The following DPP6 variants were observed in gnomAD, a reference collection of about 807,000 sequenced individuals.
DPP6 encodes the protein A-type potassium channel modulatory protein DPP6.
Under a neutral mutation model 122.6 loss-of-function variants are expected in DPP6, and 69 were observed. The observed-to-expected ratio is 0.56, with a 90% confidence interval of 0.46 to 0.69. The LOEUF is 0.69. Among genes scored for constraint, DPP6 ranks in the 30% least tolerant of loss-of-function variants. The probability of loss-of-function intolerance (pLI) is 0.00; values close to 1 mark genes in which losing one functional copy is unlikely to be tolerated. For synonymous variants in DPP6, 418 were observed against 433.1 expected, an observed-to-expected ratio of 0.97 and a Z score of 0.43; for missense variants, 928 against 1,116.9, an observed-to-expected ratio of 0.83 and a Z score of 2.41.
intron 1 of DPP6, among the ~76,000 whole-genome samples, chr7:154,328,251 C>T (rs1808616180): frequency 6.6e-6 from 1 of 152,154 alleles, no homozygotes; most frequent in African/African-American, 2.4e-5. Flanking sequence ...TGGGCATGGC[C>T]TCCTAGAGAA....
intron 1 of DPP6, among the ~76,000 whole-genome samples, chr7:154,024,064 A>G (rs1383800676): frequency 6.6e-6 from 1 of 152,168 alleles, no homozygotes; most frequent in East Asian, 1.9e-4. Flanking sequence ...CTGCCAGGAG[A>G]GGAATTTATC....
chr7:154,605,182 G>A lies in DPP6; in HGVS notation c.628-32639G>A. 1.7e-5 allele frequency among the ~76,000 whole-genome samples: 2 copies of A among 119,360 alleles called. 1 individual carries two copies. Among genetic ancestry groups the A allele is most frequent in the Non-Finnish European group, 3.8e-5 (2 of 52,946 alleles). The allele number at this position is 119,360 out of a possible 152,430, so 78.3% of individuals were successfully genotyped here. A position where few individuals can be genotyped will look rare whatever the true frequency, so the allele number is the denominator to read the frequency against. ...TTTTTGTTTAATCTACTACTATAAT[G>A]ATTTACCTAAATGAAATGTCCAATA... On this transcript the variant is annotated intron_variant, in intron 5 of 25. Transcript: ENST00000377770.
the DPP6 span, among the ~76,000 whole-genome samples, chr7:153,759,915 GTCTC>G: frequency 1.2e-4 from 16 of 128,056 alleles, no homozygotes; most frequent in East Asian, 1.0e-3. Flanking sequence ...CTCTGTTTCT[GTCTC>G]TCTCTCTCTC....
intron 1 of DPP6, among the ~76,000 whole-genome samples, chr7:154,127,605 A>T (rs1176387704): frequency 9.0e-4 from 54 of 60,116 alleles, no homozygotes; most frequent in South Asian, 1.9e-3. Flanking sequence ...TCTCACACAC[A>T]CACACACACA....
intron 5 of DPP6, among the ~76,000 whole-genome samples, chr7:154,614,849 G>C (rs532948121): frequency 6.6e-6 from 1 of 152,218 alleles, no homozygotes; most frequent in South Asian, 2.1e-4. Context: ...AATTGCAAAA[G>C]AGGCCAAGTA....
chr7:154,776,107 G>A (rs780067201), intron 10 of DPP6, among the ~76,000 whole-genome samples: 11 of 150,434 alleles, frequency 7.3e-5, no homozygotes, highest in South Asian at 2.1e-4. Context: ...ATCAGGCCAC[G>A]TACCCGCTGC....
At chr7:154,150,913 C>T (rs1796380782) in intron 1 of DPP6, among the ~76,000 whole-genome samples, 1 of 152,204 alleles carries the variant, frequency 6.6e-6, no homozygotes, top group Non-Finnish European at 1.5e-5. Context: ...CTCTTAAAGG[C>T]CAGGAGAGAG....
chr7:153,800,103 CAA>C, the DPP6 span, among the ~76,000 whole-genome samples: 13 of 152,222 alleles, frequency 8.5e-5, no homozygotes, highest in African/African-American at 2.6e-4. Context: ...ATTGGTATGT[CAA>C]AGAGATATCT....
chr7:154,268,798 A>T (rs576669645), intron 1 of DPP6, among the ~76,000 whole-genome samples: 1 of 151,992 alleles, frequency 6.6e-6, no homozygotes, highest in South Asian at 2.1e-4. Context: ...TTTCTATTGA[A>T]ACCAATTTTT....
chr7:154,745,260 C>G (rs1324554956), intron 8 of DPP6, among the ~76,000 whole-genome samples: 2 of 152,202 alleles, frequency 1.3e-5, no homozygotes, highest in Non-Finnish European at 2.9e-5. Context: ...GGCTCAACAT[C>G]ACACCTGGAG....
the DPP6 span, among the ~76,000 whole-genome samples, chr7:153,792,375 T>C: frequency 6.6e-6 from 1 of 152,222 alleles, no homozygotes; most frequent in Non-Finnish European, 1.5e-5. Context: ...ATAACATTAT[T>C]TAGTTGTTTA....
intron 5 of DPP6, among the ~76,000 whole-genome samples, chr7:154,570,764 C>T (rs1337231688): frequency 6.6e-6 from 1 of 152,116 alleles, no homozygotes; most frequent in South Asian, 2.1e-4. Context: ...CTTAACTATG[C>T]CAACCCTATG....
At chr7:154,301,290 G>C (rs1742780913) in intron 1 of DPP6, among the ~76,000 whole-genome samples, 1 of 152,180 alleles carries the variant, frequency 6.6e-6, no homozygotes, top group Admixed American at 6.5e-5. Context: ...CTGATGCCAA[G>C]TCAGTATTCA....
intron 16 of DPP6, among the ~76,000 whole-genome samples, chr7:154,826,498 G>A (rs901194901): frequency 6.6e-6 from 1 of 152,158 alleles, no homozygotes; most frequent in African/African-American, 2.4e-5. Flanking sequence ...TCACAAGGAG[G>A]AAGATGTCCA....
intron 7 of DPP6, among the ~76,000 whole-genome samples, chr7:154,712,262 T>G (rs1221989858): frequency 2.6e-5 from 4 of 152,212 alleles, no homozygotes; most frequent in African/African-American, 4.8e-5. Flanking sequence ...ACACCAATAG[T>G]TTTGGACAAT....
At chr7:153,795,738 A>G in the DPP6 span, among the ~76,000 whole-genome samples, 1 of 151,952 alleles carries the variant, frequency 6.6e-6, no homozygotes, top group African/African-American at 2.4e-5. Context: ...GACATTTAAT[A>G]AATTTCCTTC....
At chr7:154,246,918 G>C (rs1407256628) in intron 1 of DPP6, among the ~76,000 whole-genome samples, 1 of 152,174 alleles carries the variant, frequency 6.6e-6, no homozygotes, top group Non-Finnish European at 1.5e-5. Context: ...TGCTGGTAAA[G>C]ACTTCTCAAG....
intron 4 of DPP6, among the ~76,000 whole-genome samples, chr7:154,551,893 T>G (rs1013969601): frequency 6.6e-6 from 1 of 152,214 alleles, no homozygotes; most frequent in African/African-American, 2.4e-5. Flanking sequence ...AATATCCTTT[T>G]GTTTACCTCT....
At chr7:154,790,738 C>T (rs1158367091) in intron 10 of DPP6, among the ~76,000 whole-genome samples, 1 of 150,472 alleles carries the variant, frequency 6.6e-6, no homozygotes, top group African/African-American at 2.5e-5. Flanking sequence ...TTTAACTGTC[C>T]TAATTTTTAG....
Sources: gnomAD v4.1 joint callset for allele counts (sites outside exome capture counted in the v4.1 genomes callset) on GRCh38, gnomAD v4.1.1 for gene constraint, MANE v1.5 for transcripts, NCBI Gene and HGNC (gene_info 2026-07-23, HGNC 2026-07-21) for gene names.